The following NSRP1 variants were observed in gnomAD, a reference collection of about 807,000 sequenced individuals.
The protein encoded by NSRP1 is nuclear speckle splicing regulatory protein 1, also known as coiled-coil domain containing 55.
NSRP1 carries 24 observed loss-of-function variants against 54.7 expected under a neutral mutation model. The ratio of observed to expected loss-of-function variants is 0.44; its 90% CI spans 0.32 to 0.62. The LOEUF is 0.62. Ranked by LOEUF, NSRP1 falls within the 20% of genes least tolerant of loss-of-function variation. The pLI, the probability that NSRP1 is intolerant of heterozygous loss-of-function variation, is 0.06. For missense variants in NSRP1, 596 were observed against 651.2 expected, an observed-to-expected ratio of 0.92 and a Z score of 0.92; for synonymous variants, 210 against 213.8, an observed-to-expected ratio of 0.98 and a Z score of 0.15.
chr17:30,123,243 G>A (rs1352806136), intron 2 of NSRP1, among the ~76,000 whole-genome samples: 1 of 152,088 alleles, frequency 6.6e-6, no homozygotes, highest in African/African-American at 2.4e-5. Flanking sequence ...AGGACTACAG[G>A]TGCAGCTGGG....
At chr17:30,167,669 A>G (rs1406977873) in intron 2 of NSRP1, among the ~76,000 whole-genome samples, 1 of 152,184 alleles carries the variant, frequency 6.6e-6, no homozygotes, top group Non-Finnish European at 1.5e-5. Flanking sequence ...TTTCTCACAC[A>G]TAAATATATG....
At position 30,185,380 on chromosome 17, in the gene NSRP1, G is replaced by A; in HGVS notation, c.1383G>A (p.Arg461=). The A allele has an allele frequency of 6.2e-7, 1 of 1,612,386 alleles. No individual in the cohort carries two copies. The highest frequency in any genetic ancestry group is 8.5e-7 in the Non-Finnish European group (1 of 1,179,652). ...QDRKESSPNS[R]AKDKFLDQER... ...GAAAGGAAAGCAGCCCAAATTCTAG[G>A]GCAAAGGATAAATTTCTTGACCAAG... The change falls in exon 7 of 7, where the codon AGG becomes AGA. Residue 461 remains arginine, a synonymous_variant. Transcript: ENST00000247026.
chr17:30,173,766 A>G (rs1439657633), intron 3 of NSRP1, among the ~76,000 whole-genome samples: 3 of 152,242 alleles, frequency 2.0e-5, no homozygotes, highest in African/African-American at 7.2e-5. Context: ...GACTTGCATG[A>G]GACCACATAG....
intron 3 of NSRP1, among the ~76,000 whole-genome samples, chr17:30,174,335 T>G (rs1418222859): frequency 1.3e-5 from 2 of 152,188 alleles, no homozygotes; most frequent in Non-Finnish European, 2.9e-5. Context: ...GCACCTATAT[T>G]ACATACTTTT....
At chr17:30,121,453 CTTTTT>C (rs200327930) in intron 2 of NSRP1, among the ~76,000 whole-genome samples, 2 of 121,872 alleles carry the variant, frequency 1.6e-5, no homozygotes, top group Non-Finnish European at 1.8e-5. Context: ...GATGCAAGAT[CTTTTT>C]TTTTTTTTTT....
At chr17:30,126,706 G>A (rs1359256790) in intron 2 of NSRP1, among the ~76,000 whole-genome samples, 1 of 152,062 alleles carries the variant, frequency 6.6e-6, no homozygotes, top group Admixed American at 6.6e-5. Context: ...TTTAGCCTCC[G>A]CCTCCTGAGT....
intron 5 of NSRP1, 91 bp from the exon 6 acceptor site, chr17:30,180,817 A>T: frequency 1.2e-6 from 1 of 809,682 alleles, no homozygotes; most frequent in Non-Finnish European, 2.1e-6. Context: ...CGAGTAGTTT[A>T]CACACTGTAT....
At chr17:30,182,479 T>C (rs2143010857) in intron 6 of NSRP1, among the ~76,000 whole-genome samples, 1 of 151,662 alleles carries the variant, frequency 6.6e-6, no homozygotes, top group South Asian at 2.1e-4. Flanking sequence ...CTGTCTCTAC[T>C]AAAAATACAA....
chr17:30,185,856 AATTT>A lies in NSRP1; in HGVS notation c.*185_*188del. Reference sequence around the variant, plus strand: ...ATGTTTGGATGTGGATGTTTGGCTGAATTTATATATAGTGTGTACTCATCAATAC... The same window carrying A: ...ATGTTTGGATGTGGATGTTTGGCTGAATATATAGTGTGTACTCATCAATAC... On this transcript the variant is annotated 3_prime_UTR_variant, in exon 7 of 7. Coordinates refer to ENST00000247026, the MANE Select transcript of NSRP1 (RefSeq NM_032141.4). The A allele has an allele frequency of 1.7e-6, 1 of 574,642 alleles. No individual in the cohort carries two copies. The highest frequency in any genetic ancestry group is 2.9e-6 in the Non-Finnish European group (1 of 342,234). 35.6% of individuals were successfully genotyped at this position (574,642 alleles called of 1,614,324 possible).
At chr17:30,134,061 TA>T (rs552246844) in intron 2 of NSRP1, among the ~76,000 whole-genome samples, 3 of 152,208 alleles carry the variant, frequency 2.0e-5, no homozygotes, top group Non-Finnish European at 2.9e-5. Context: ...CTTGAACACT[TA>T]AAGGCCATTG....
chr17:30,122,933 A>C (rs79094314), intron 2 of NSRP1, among the ~76,000 whole-genome samples: 139 of 152,006 alleles, frequency 9.1e-4, no homozygotes, highest in Non-Finnish European at 1.6e-3. Flanking sequence ...ATGTATATTC[A>C]TGTCATTTAC....
At chr17:30,171,207 C>T (rs1263771177) in intron 2 of NSRP1, among the ~76,000 whole-genome samples, 6 of 151,796 alleles carry the variant, frequency 4.0e-5, no homozygotes, top group Admixed American at 3.9e-4. Context: ...ATTCTTGATT[C>T]CTCATATACA....
intron 2 of NSRP1, among the ~76,000 whole-genome samples, chr17:30,169,426 T>A (rs945163440): frequency 6.6e-6 from 1 of 152,020 alleles, no homozygotes; most frequent in African/African-American, 2.4e-5. Flanking sequence ...TCTCAGTCAG[T>A]CCTGAAGACA....
At chr17:30,123,777 A>G (rs901297693) in intron 2 of NSRP1, among the ~76,000 whole-genome samples, 3 of 151,798 alleles carry the variant, frequency 2.0e-5, no homozygotes, top group Non-Finnish European at 2.9e-5. Flanking sequence ...TCATTTGCAT[A>G]TGGATATCCA....
At chr17:30,141,966 T>C (rs2071809551) in intron 2 of NSRP1, among the ~76,000 whole-genome samples, 1 of 152,232 alleles carries the variant, frequency 6.6e-6, no homozygotes, top group African/African-American at 2.4e-5. Flanking sequence ...ATCACGCCAG[T>C]GCACTCCAGC....
intron 2 of NSRP1, among the ~76,000 whole-genome samples, chr17:30,154,933 T>G (rs2071947844): frequency 6.6e-6 from 1 of 152,160 alleles, no homozygotes; most frequent in Admixed American, 6.5e-5. Context: ...TGTACTTCCT[T>G]TATTTTCAAA....
chr17:30,135,388 G>A (rs2071740404), intron 2 of NSRP1, among the ~76,000 whole-genome samples: 1 of 152,004 alleles, frequency 6.6e-6, no homozygotes, highest in Non-Finnish European at 1.5e-5. Flanking sequence ...GCCTCCCAAA[G>A]TGCTGGAACT....
intron 2 of NSRP1, among the ~76,000 whole-genome samples, chr17:30,126,979 C>T (rs1452051480): frequency 6.6e-6 from 1 of 152,182 alleles, no homozygotes; most frequent in Non-Finnish European, 1.5e-5. Flanking sequence ...TGTTTTAGGC[C>T]TTGCAGGGCA....
chr17:30,122,713 T>G (rs919925422), intron 2 of NSRP1: 1 of 151,304 alleles, frequency 6.6e-6, no homozygotes, highest in African/African-American at 2.4e-5. Context: ...CTGGTTTTAT[T>G]TTTTGAGGAA....
Sources: gnomAD v4.1 joint callset for allele counts (sites outside exome capture counted in the v4.1 genomes callset) on GRCh38, gnomAD v4.1.1 for gene constraint, MANE v1.5 for transcripts, NCBI Gene and HGNC (gene_info 2026-07-23, HGNC 2026-07-21) for gene names.